BPIFB1: variants seen among roughly 807,000 people sequenced by gnomAD.
BPIFB1 encodes the protein BPI fold containing family B member 1, also known as BPI fold-containing family B member 1.
Under a neutral mutation model 55.1 loss-of-function variants are expected in BPIFB1, and 34 were observed. The observed-to-expected ratio is 0.62, with a 90% CI of 0.47 to 0.82. The LOEUF (loss-of-function observed/expected upper bound fraction) is 0.82. BPIFB1 is among the 40% of genes least tolerant of loss of function. The probability of loss-of-function intolerance (pLI) is 0.00; values close to 1 mark genes in which losing one functional copy is unlikely to be tolerated. For synonymous variants in BPIFB1, 236 were observed against 245.3 expected (o/e 0.96, Z 0.35); for missense variants, 532 against 593.1 (o/e 0.90, Z 1.07).
Position 33,306,943 on chromosome 20 carries a change from G to T in BPIFB1, c.1351G>T (p.Val451Leu). 2 of 1,614,244 alleles carry T rather than the reference G, an allele frequency of 1.2e-6. No homozygotes were observed. The highest frequency in any genetic ancestry group is 1.3e-5 in the African/African-American group (1 of 75,082). ...KLRSGVPVSLVKALGFEAAES... is the reference protein window; with the variant it reads ...KLRSGVPVSLLKALGFEAAES... Reference sequence around the variant, plus strand: ...AAGATCTGGGGTCCCAGTGTCATTGGTGAAGGCCTTGGGATTCGAGGCAGC... The same window carrying T: ...AAGATCTGGGGTCCCAGTGTCATTGTTGAAGGCCTTGGGATTCGAGGCAGC... The change falls in exon 15 of 16, where the codon GTG (valine) becomes TTG (leucine). Residue 451 changes from valine (V) to leucine (L), a missense_variant. Physicochemically the swap from Val to Leu is conservative, Grantham distance 32. Coordinates refer to ENST00000253354, the MANE Select transcript of BPIFB1 (RefSeq NM_033197.3).
At chr20:33,304,823 C>G (rs557211065) in intron 12 of BPIFB1, 23 bp from the exon 13 acceptor site, 9 of 1,614,170 alleles carry the variant, frequency 5.6e-6, no homozygotes, top group South Asian at 3.3e-5. Context: ...AGGGGCCGCT[C>G]TCACAGGCAT....
intron 6 of BPIFB1, among the ~76,000 whole-genome samples, chr20:33,294,736 G>A (rs544308946): frequency 1.3e-5 from 2 of 152,320 alleles, no homozygotes; most frequent in South Asian, 4.1e-4. Context: ...TCCTTGCATA[G>A]TATCTGTCTT....
chr20:33,300,054 T>A (rs141422958), intron 8 of BPIFB1, 70 bp downstream of exon 8: 4 of 1,332,610 alleles, frequency 3.0e-6, no homozygotes, highest in South Asian at 1.2e-5. Context: ...AGGAGTCAGA[T>A]AGCATGGGCC....
chr20:33,300,052 G>A, intron 8 of BPIFB1, 68 bp downstream of exon 8: 2 of 1,351,606 alleles, frequency 1.5e-6, no homozygotes, highest in Non-Finnish European at 2.1e-6. Flanking sequence ...CCAGGAGTCA[G>A]ATAGCATGGG....
intron 6 of BPIFB1, 131 bp downstream of exon 6, chr20:33,292,119 G>A: frequency 1.2e-6 from 1 of 836,094 alleles, no homozygotes; most frequent in Non-Finnish European, 2.0e-6. Context: ...ATCTGGGGCT[G>A]GATAGCAAAG....
chr20:33,309,841 C>G lies in BPIFB1; in HGVS notation c.*74C>G. The G allele has an allele frequency of 1.5e-6, 2 of 1,345,300 alleles. No homozygotes were observed. Among genetic ancestry groups the G allele is most frequent in the South Asian group, 1.2e-5 (1 of 84,714 alleles). 83.3% of individuals were successfully genotyped at this position (1,345,300 alleles called of 1,614,324 possible). ...TGGGTGTGAGCTCTATAGACCATCCCTCTCTGCAATCAATAAACACTTGCC... is the reference window on the plus strand; with the variant it reads ...TGGGTGTGAGCTCTATAGACCATCCGTCTCTGCAATCAATAAACACTTGCC... On this transcript the variant is annotated 3_prime_UTR_variant, in exon 16 of 16. Coordinates refer to ENST00000253354, the MANE Select transcript of BPIFB1 (RefSeq NM_033197.3). This position sits in a 1 kb window ranked among gnomAD's most constrained non-coding sequence, Gnocchi z 4.4.
rs746744403 is a variant in BPIFB1 at position 33,290,011 on chromosome 20, AAGTAC to A, written c.365+24_365+28del. ...TCAACACGTGAGTGACCCCTCCATC[AAGTAC>A]AGTAGGCTTGACAGGCTCATCTGCT... On this transcript the variant is annotated intron_variant, in intron 4 of 15. Transcript: ENST00000253354. 4 of 1,593,716 alleles carry A rather than the reference AAGTAC, an allele frequency of 2.5e-6. No individual in the cohort carries two copies. Among genetic ancestry groups the A allele is most frequent in the Non-Finnish European group, 2.6e-6 (3 of 1,161,490 alleles).
chr20:33,297,440 C>T (rs1980689383), intron 6 of BPIFB1, 85 bp from the exon 7 acceptor site: 1 of 1,441,424 alleles, frequency 6.9e-7, no homozygotes, highest in Non-Finnish European at 9.7e-7. Flanking sequence ...GGACACAGGC[C>T]AGGTGGGCTG....
At chr20:33,300,832 C>A (rs996523154) in intron 8 of BPIFB1, among the ~76,000 whole-genome samples, 3 of 152,204 alleles carry the variant, frequency 2.0e-5, no homozygotes, top group African/African-American at 7.2e-5. Flanking sequence ...AAATGATCCT[C>A]CCACTTCGGC....
chr20:33,306,675 C>T (rs571809764), intron 14 of BPIFB1: 6 of 553,838 alleles, frequency 1.1e-5, no homozygotes, highest in South Asian at 2.2e-5. Flanking sequence ...TGAGCAAGAG[C>T]GTAAGAGAAT....
chr20:33,295,680 G>GAAAGAAAGAAAGAAAGAAAGAAAGAA (rs1319391594), intron 6 of BPIFB1, among the ~76,000 whole-genome samples: 1 of 147,048 alleles, frequency 6.8e-6, no homozygotes, highest in African/African-American at 2.5e-5. Flanking sequence ...AAGAAAGAAA[G>GAAAGAAAGAAAGAAAGAAAGAAAGAA]AGAGAAAAAA....
At chr20:33,290,807 C>CTG in intron 4 of BPIFB1, 150 bp from the exon 5 acceptor site, 2 of 808,636 alleles carry the variant, frequency 2.5e-6, no homozygotes, top group South Asian at 3.6e-5. Flanking sequence ...GAGCCTGGGA[C>CTG]ATGCTGGGGT....
Position 33,291,999 on chromosome 20 carries a change from TC to T in BPIFB1, c.597+12del. The T allele has an allele frequency of 6.2e-7, 1 of 1,613,494 alleles. No homozygotes were observed. Among genetic ancestry groups the T allele is most frequent in the South Asian group, 1.1e-5 (1 of 91,080 alleles). ...CTAGTGAAAAACCAGGTGAGTGGAA[TC>T]AGGGCCTCTCTGGCCTGTGGGCATT... is the stretch of plus-strand genomic sequence containing the variant. On this transcript the variant is annotated intron_variant, in intron 6 of 15. Transcript: ENST00000253354.
chr20:33,308,817 T>TAC (rs1286932079), intron 15 of BPIFB1, among the ~76,000 whole-genome samples: 13 of 136,908 alleles, frequency 9.5e-5, no homozygotes, highest in Admixed American at 8.6e-4. Flanking sequence ...ACATACACAC[T>TAC]ACACACACAC....
In BPIFB1 at chr20:33,295,681, A is replaced by AAAGAAAGAAAGAAAGAAAGG. The variant is rs1288787218; in HGVS notation, c.598-1844_598-1843insAAGAAAGAAAGAAAGAAAGG. ...GAAAGAGAGAAAGAAAGAAAGAAAG[A>AAAGAAAGAAAGAAAGAAAGG]GAGAAAAAAAGGGAGAAAAGGAAGC... is the stretch of plus-strand genomic sequence containing the variant. On this transcript the variant is annotated intron_variant, in intron 6 of 15. Coordinates refer to ENST00000253354, the MANE Select transcript of BPIFB1 (RefSeq NM_033197.3). Among the ~76,000 whole-genome samples, 7 of 149,618 alleles carry AAAGAAAGAAAGAAAGAAAGG rather than the reference A, an allele frequency of 4.7e-5. 1 individual carries two copies. The highest frequency in any genetic ancestry group is 1.8e-4 in the African/African-American group (7 of 39,704).
chr20:33,291,867 T>C (rs1195803927), intron 5 of BPIFB1, 40 bp from the exon 6 acceptor site: 1 of 1,559,934 alleles, frequency 6.4e-7, no homozygotes, highest in Non-Finnish European at 8.8e-7. Flanking sequence ...TGATCATCTC[T>C]GACCCTTCCT....
chr20:33,290,132 A>G, intron 4 of BPIFB1, 140 bp downstream of exon 4: 1 of 676,232 alleles, frequency 1.5e-6, no homozygotes. Context: ...CTGTGGCAGC[A>G]GTGTACTTGC....
chr20:33,297,361 G>T (rs1980686783), intron 6 of BPIFB1, among the ~76,000 whole-genome samples, 164 bp from the exon 7 acceptor site: 1 of 152,264 alleles, frequency 6.6e-6, no homozygotes, highest in Non-Finnish European at 1.5e-5. Context: ...GGCCCTGCAG[G>T]CTGGGTTCAA....
chr20:33,290,885 G>T (rs548720768), intron 4 of BPIFB1, 72 bp from the exon 5 acceptor site: 245 of 1,543,432 alleles, frequency 1.6e-4, no homozygotes, highest in Non-Finnish European at 2.1e-4. Flanking sequence ...CTGGAAGACA[G>T]AGACGGACGG....
Sources: gnomAD v4.1 joint callset for allele counts (sites outside exome capture counted in the v4.1 genomes callset) on GRCh38, gnomAD v4.1.1 for gene constraint, Gnocchi (gnomAD v3.1) non-coding constraint, MANE v1.5 for transcripts, NCBI Gene and HGNC (gene_info 2026-07-23, HGNC 2026-07-21) for gene names.